Variants in MYBPC3 observed in about 807,000 individuals in gnomAD.
MYBPC3 encodes the protein myosin-binding protein C, cardiac-type.
Under a neutral mutation model 159.3 loss-of-function variants are expected in MYBPC3, and 108 were observed. That is an observed-to-expected ratio of 0.68 (90% confidence interval 0.58 to 0.80). The LOEUF is 0.80. MYBPC3 is among the 30% of genes least tolerant of loss of function. MYBPC3 has a pLI of 0.00. For missense variants in MYBPC3, 1,631 were observed against 1,762.1 expected (o/e 0.93, Z 1.33); for synonymous variants, 730 against 702.0 (o/e 1.04, Z -0.63).
At chr11:47,339,507 G>T in intron 21 of MYBPC3, 103 bp from the exon 22 acceptor site, 1 of 1,498,318 alleles carries the variant, frequency 6.7e-7, no homozygotes, top group Non-Finnish European at 9.2e-7. Context: ...TGCCCACCTT[G>T]CCTGCCCCCT....
Position 47,332,666 on chromosome 11 carries a change from T to A in MYBPC3, c.3527A>T (p.Asp1176Val). The change falls in exon 32 of 35, where the codon GAC becomes GTC. Residue 1176 changes from aspartate (D) to valine (V), a missense_variant. Asp to Val is a radical substitution (Grantham distance 152). Coordinates refer to ENST00000545968, the MANE Select transcript of MYBPC3 (RefSeq NM_000256.3). This position sits in a 1 kb window ranked among gnomAD's most constrained non-coding sequence, Gnocchi z 4.2. ...GGTGAAGCTTGGGGCCTCGGAGAAG[T>A]CCAGGGCCTTATAGTTGGGTGGCTC... ...TYEPPNYKAL[D>V]FSEAPSFTQP... is the part of the protein sequence containing the mutation. The A allele has an allele frequency of 6.2e-7, 1 of 1,613,214 alleles. No homozygotes were observed. The highest frequency in any genetic ancestry group is 8.5e-7 in the Non-Finnish European group (1 of 1,179,574).
rs968494404 is a variant in MYBPC3 at position 47,347,764 on chromosome 11, C to A, written c.822-84G>T. 5.8e-6 allele frequency: 9 copies of A among 1,546,338 alleles called. No homozygotes were observed. The Admixed American group carries it at 1.4e-4, about 24-fold the overall frequency. Reference sequence around the variant, plus strand: ...CCCCACTGACTTCAGCTCCGCCCCGCAAATCATCCCCAGCCCTGACCCCCA... The same window carrying A: ...CCCCACTGACTTCAGCTCCGCCCCGAAAATCATCCCCAGCCCTGACCCCCA... On this transcript the variant is annotated intron_variant, in intron 7 of 34. Coordinates refer to ENST00000545968, the MANE Select transcript of MYBPC3 (RefSeq NM_000256.3).
chr11:47,351,128 C>T lies in MYBPC3; in HGVS notation c.292+111G>A. On this transcript the variant is annotated intron_variant, in intron 2 of 34. Transcript: ENST00000545968. This position sits in a 1 kb window ranked among gnomAD's most constrained non-coding sequence, Gnocchi z 4.2. ...TTCCTGGCGGGGGGCACAGCCACAG[C>T]AAAGGCAAGAAAGTGTGAAAGCACC... 1.5e-6 allele frequency: 2 copies of T among 1,353,076 alleles called. No individual in the cohort carries two copies. Among genetic ancestry groups the T allele is most frequent in the Non-Finnish European group, 1.9e-6 (2 of 1,028,670 alleles). 83.8% of individuals were successfully genotyped at this position (1,353,076 alleles called of 1,614,324 possible).
chr11:47,333,511 C>T (rs776036200), intron 29 of MYBPC3, 46 bp downstream of exon 29: 8 of 1,596,614 alleles, frequency 5.0e-6, no homozygotes, highest in Admixed American at 1.7e-5. Context: ...GCAGCCCAGC[C>T]CAGGGAAGGG....
At chr11:47,343,706 GC>G in intron 12 of MYBPC3, 82 bp from the exon 13 acceptor site, 1 of 1,422,716 alleles carries the variant, frequency 7.0e-7, no homozygotes, top group Non-Finnish European at 9.3e-7. Flanking sequence ...TGTGGCTGGG[GC>G]CCAGGTCCCC....
Position 47,341,188 on chromosome 11 carries a change from AAGC to A in MYBPC3, c.1844_1846del (p.Ser615_Phe616delinsIle). 3.1e-6 allele frequency: 5 copies of A among 1,593,410 alleles called. No individual in the cohort carries two copies. In the Admixed American group the frequency reaches 5.2e-5, roughly 17 times the overall value. On this transcript the variant is annotated inframe_deletion, in exon 19 of 35. Transcript: ENST00000545968. ...GTTGCAGGCGAAGCCCTCGGGCACA[AAGC>A]TGTAGTCAGCCTCGTCGGCAGGTGT...
At chr11:47,340,206 C>T (rs1160812774) in intron 20 of MYBPC3, among the ~76,000 whole-genome samples, 1 of 150,456 alleles carries the variant, frequency 6.6e-6, no homozygotes, top group Non-Finnish European at 1.5e-5. Flanking sequence ...TGCACACAGA[C>T]ACAAATACAC....
intron 1 of MYBPC3, among the ~76,000 whole-genome samples, chr11:47,352,112 AT>A (rs1301772893): frequency 1.3e-5 from 2 of 151,910 alleles, no homozygotes; most frequent in African/African-American, 4.8e-5. Context: ...CACCCTCAAC[AT>A]GGGGGCCACA....
At position 47,332,341 on chromosome 11, in the gene MYBPC3, T is replaced by C; in HGVS notation, c.3628-83A>G. On this transcript the variant is annotated intron_variant, in intron 32 of 34. Coordinates refer to ENST00000545968, the MANE Select transcript of MYBPC3 (RefSeq NM_000256.3). The surrounding 1 kb of genome is among the most constrained non-coding windows in gnomAD (Gnocchi z 4.2). ...GGGACCCAGGGAGACACATCTGTGT[T>C]TCTACTCGGGGGGTCCCACGAGAGT... 1.3e-6 allele frequency: 2 copies of C among 1,523,836 alleles called. No homozygotes were observed. The highest frequency in any genetic ancestry group is 1.8e-6 in the Non-Finnish European group (2 of 1,102,386). The allele number at this position is 1,523,836 out of a possible 1,614,324, so 94.4% of individuals were successfully genotyped here.
chr11:47,351,400 C>T lies in MYBPC3; in HGVS notation c.131G>A (p.Arg44His), dbSNP rs369205562. The T allele has an allele frequency of 2.5e-5, 41 of 1,609,568 alleles. No homozygotes were observed. Among genetic ancestry groups the T allele is most frequent in the Admixed American group, 8.4e-5 (5 of 59,658 alleles). The part of the protein sequence containing the change: ...ERAGVKVRWQ[R>H]GGSDISASNK... ...GCTGGCGCTGATGTCACTGCCTCCG[C>T]GCTGCCAGCGCACCTTCACTCCTGC... Residue 44 changes from arginine to histidine, a missense_variant, in exon 2 of 35, where the codon CGC (arginine) becomes CAC (histidine). By Grantham distance (29) the Arg-to-His change is conservative. Transcript: ENST00000545968. This position sits in a 1 kb window ranked among gnomAD's most constrained non-coding sequence, Gnocchi z 4.2.
At chr11:47,342,808 G>A (rs935318393) in intron 16 of MYBPC3, 22 bp downstream of exon 16, 2 of 1,612,440 alleles carry the variant, frequency 1.2e-6, no homozygotes, top group Non-Finnish European at 1.7e-6. Context: ...CAACACCCAT[G>A]CCCCGTGCTT....
At chr11:47,340,898 C>T (rs1379241593) in intron 20 of MYBPC3, 105 bp downstream of exon 20, 2 of 1,303,396 alleles carry the variant, frequency 1.5e-6, no homozygotes, top group Non-Finnish European at 2.0e-6. Context: ...CCCCAGGACC[C>T]CCACTTTTGA....
chr11:47,351,475 A>G lies in MYBPC3; in HGVS notation c.56T>C (p.Val19Ala), dbSNP rs1247917628. ...VSAFSKKPRS[V>A]EVAAGSPAVF... ...GGCAGGGCTGCCTGCGGCCACTTCCACTGACCGTGGCTTCTTGCTAAAAGC... is the reference window on the plus strand; with the variant it reads ...GGCAGGGCTGCCTGCGGCCACTTCCGCTGACCGTGGCTTCTTGCTAAAAGC... Residue 19 changes from valine to alanine, a missense_variant, in exon 2 of 35, where the codon GTG becomes GCG. Transcript: ENST00000545968. This position sits in a 1 kb window ranked among gnomAD's most constrained non-coding sequence, Gnocchi z 4.2. 7.5e-6 allele frequency: 12 copies of G among 1,593,800 alleles called. No homozygotes were observed. The highest frequency in any genetic ancestry group is 3.4e-5 in the Admixed American group (2 of 59,446).
At chr11:47,343,720 C>G (rs991989210) in intron 12 of MYBPC3, 96 bp from the exon 13 acceptor site, 4 of 1,265,130 alleles carry the variant, frequency 3.2e-6, no homozygotes, top group South Asian at 3.0e-5. Context: ...AGGTCCCCCC[C>G]TCCAATCCCC....
chr11:47,344,719 T>A (rs188577228), intron 12 of MYBPC3, among the ~76,000 whole-genome samples: 63 of 152,342 alleles, frequency 4.1e-4, no homozygotes, highest in Admixed American at 3.7e-3. Flanking sequence ...GTAATAGTCC[T>A]TCCATCATAG....
chr11:47,347,330 G>A, intron 9 of MYBPC3, 96 bp downstream of exon 9: 1 of 1,548,634 alleles, frequency 6.5e-7, no homozygotes, highest in Non-Finnish European at 8.7e-7. Flanking sequence ...GAGAGGTGCA[G>A]TGTTGTGCTC....
intron 17 of MYBPC3, 24 bp from the exon 18 acceptor site, chr11:47,342,180 G>T (rs758546355): frequency 8.7e-6 from 14 of 1,610,464 alleles, no homozygotes; most frequent in Non-Finnish European, 1.2e-5. Context: ...CAGAGCCATT[G>T]AGCTCGGGAG....
Position 47,332,299 on chromosome 11 carries a change from TGAGAGGGGA to T in MYBPC3, c.3628-50_3628-42del, listed in dbSNP as rs754600527. 3.8e-6 allele frequency: 6 copies of T among 1,597,962 alleles called. No homozygotes were observed. In the Admixed American group the frequency reaches 1.0e-4, roughly 27 times the overall value. On this transcript the variant is annotated intron_variant, in intron 32 of 34. Coordinates refer to ENST00000545968, the MANE Select transcript of MYBPC3 (RefSeq NM_000256.3). This position sits in a 1 kb window ranked among gnomAD's most constrained non-coding sequence, Gnocchi z 4.2. ...AGAGAGGGAGGGAAGCCATCCAGGCTGAGAGGGGACCTGGCAGGGACCCAGGGAGACACA... is the reference window on the plus strand; with the variant it reads ...AGAGAGGGAGGGAAGCCATCCAGGCTCCTGGCAGGGACCCAGGGAGACACA...
chr11:47,339,199 T>A (rs934953551), intron 22 of MYBPC3, 125 bp downstream of exon 22: 2 of 1,018,342 alleles, frequency 2.0e-6, no homozygotes, highest in African/African-American at 3.2e-5. Flanking sequence ...GGGACCCTGC[T>A]GGGGGCAGCA....
Sources: allele counts gnomAD v4.1 joint callset (sites outside exome capture counted in the v4.1 genomes callset), GRCh38; gene constraint gnomAD v4.1.1; non-coding constraint Gnocchi (gnomAD v3.1); transcripts MANE v1.5; gene names NCBI Gene and HGNC (gene_info 2026-07-23, HGNC 2026-07-21).